LRSAM1: variants seen among roughly 807,000 people sequenced by gnomAD.
LRSAM1 encodes the protein leucine rich repeat and sterile alpha motif containing 1.
LRSAM1 carries 96 observed loss-of-function variants against 118.1 expected under a neutral mutation model. The ratio of observed to expected loss-of-function variants is 0.81; its 90% CI spans 0.69 to 0.96. LRSAM1 has a LOEUF of 0.96. Ranked by LOEUF, LRSAM1 falls within the 40% of genes least tolerant of loss-of-function variation. LRSAM1 has a pLI of 0.00. For missense variants in LRSAM1, 804 were observed against 915.5 expected (o/e 0.88, Z 1.57); for synonymous variants, 322 against 364.2 (o/e 0.88, Z 1.32).
chr9:127,472,188 C>G (rs1028235374), intron 10 of LRSAM1, among the ~76,000 whole-genome samples: 7 of 151,130 alleles, frequency 4.6e-5, no homozygotes, highest in African/African-American at 1.7e-4. Context: ...TCTCGAACTC[C>G]TGACCTCGTG....
rs956600563 is a variant in LRSAM1 at position 127,481,164 on chromosome 9, T to G, written c.1044-19T>G. 1 of 1,613,810 alleles carries G rather than the reference T, an allele frequency of 6.2e-7. No individual in the cohort carries two copies. Among genetic ancestry groups the G allele is most frequent in the African/African-American group, 1.3e-5 (1 of 74,896 alleles). On this transcript the variant is annotated intron_variant, in intron 14 of 25. Coordinates refer to ENST00000300417, the MANE Select transcript of LRSAM1 (RefSeq NM_001005373.4). ...GGCCTGCTGGTGACTGCCAGGACCT[T>G]TTATGATTTTCTCCACAGACAAAAG...
chr9:127,471,472 TAAAAAAAAA>T (rs71380064), intron 10 of LRSAM1, among the ~76,000 whole-genome samples: 2 of 68,044 alleles, frequency 2.9e-5, no homozygotes, highest in Admixed American at 2.1e-4. Context: ...CCTTATGTTA[TAAAAAAAAA>T]AAAAAAAAAA....
At chr9:127,497,720 G>A (rs1313118909) in intron 24 of LRSAM1, among the ~76,000 whole-genome samples, 2 of 152,192 alleles carry the variant, frequency 1.3e-5, no homozygotes, top group Non-Finnish European at 2.9e-5. Flanking sequence ...GCATGCCTGT[G>A]GACATGGAGA....
chr9:127,492,793 T>C lies in LRSAM1; in HGVS notation c.1504-9T>C. 1 of 1,613,226 alleles carries C rather than the reference T, an allele frequency of 6.2e-7. No individual in the cohort carries two copies. Among genetic ancestry groups the C allele is most frequent in the Non-Finnish European group, 8.5e-7 (1 of 1,179,808 alleles). On this transcript the variant is annotated splice_polypyrimidine_tract_variant and intron_variant, in intron 20 of 25. Coordinates refer to ENST00000300417, the MANE Select transcript of LRSAM1 (RefSeq NM_001005373.4). Reference sequence around the variant, plus strand: ...CTCACGGTGGTGCGGGGTGTGGTCTTGTTCGCAGGAGATGATCTCGGAGCA... The same window carrying C: ...CTCACGGTGGTGCGGGGTGTGGTCTCGTTCGCAGGAGATGATCTCGGAGCA...
chr9:127,456,807 A>C (rs1588093020), intron 5 of LRSAM1, among the ~76,000 whole-genome samples: 1 of 151,628 alleles, frequency 6.6e-6, no homozygotes, highest in East Asian at 2.0e-4. Context: ...CGGAGGTTGC[A>C]GTGAGCTGAG....
At chr9:127,458,462 C>A (rs758772061) in intron 6 of LRSAM1, among the ~76,000 whole-genome samples, 1 of 151,616 alleles carries the variant, frequency 6.6e-6, no homozygotes, top group Non-Finnish European at 1.5e-5. Flanking sequence ...TGCTTGTAAT[C>A]CCAGCTACTT....
At chr9:127,451,788 T>C in intron 1 of LRSAM1, 119 bp downstream of exon 1, 1 of 169,590 alleles carries the variant, frequency 5.9e-6, no homozygotes, top group South Asian at 1.5e-4. Context: ...CGAGCACTTG[T>C]TGTGTGCACT....
intron 9 of LRSAM1, among the ~76,000 whole-genome samples, chr9:127,462,734 A>G (rs1299414783): frequency 6.6e-6 from 1 of 152,110 alleles, no homozygotes; most frequent in Non-Finnish European, 1.5e-5. Flanking sequence ...CTGGGCTTCA[A>G]ACCTGGGTGA....
In LRSAM1 at chr9:127,454,626, T is replaced by C. The variant is rs375949142; in HGVS notation, c.72+27T>C. ...TGAGGGAAAGTGGGTTTCCTCTAAC[T>C]CTATCCCATCTCCTCCTCGGTCCCC... is the stretch of plus-strand genomic sequence containing the variant. On this transcript the variant is annotated intron_variant, in intron 3 of 25. Coordinates refer to ENST00000300417, the MANE Select transcript of LRSAM1 (RefSeq NM_001005373.4). 4 of 1,609,144 alleles carry C rather than the reference T, an allele frequency of 2.5e-6. No homozygotes were observed. In the Admixed American group the frequency reaches 6.7e-5, roughly 27 times the overall value.
At chr9:127,481,805 C>G (rs1409082647) in intron 15 of LRSAM1, among the ~76,000 whole-genome samples, 1 of 151,934 alleles carries the variant, frequency 6.6e-6, no homozygotes, top group African/African-American at 2.4e-5. Flanking sequence ...TCTGTAATCC[C>G]AGCACTTTGG....
In LRSAM1 at chr9:127,489,459, G is replaced by A. The variant is rs1835849581; in HGVS notation, c.1363G>A (p.Ala455Thr). 1.9e-6 allele frequency: 3 copies of A among 1,608,862 alleles called. No individual in the cohort carries two copies. In the Admixed American group the frequency reaches 5.1e-5, roughly 27 times the overall value. The change falls in exon 19 of 26, where the codon GCT becomes ACT. Residue 455 changes from alanine (A) to threonine (T), a missense_variant. By Grantham distance (58) the Ala-to-Thr change is moderately conservative. Transcript: ENST00000300417. ...QILQESAMQK[A>T]AFEALQVKKD... The stretch of plus-strand genomic sequence containing the variant: ...TGTGTTGCAGAGCGCGATGCAGAAG[G>A]CTGCGTTCGAGGCACTCCAGGTGAA...
chr9:127,503,308 G>A lies in LRSAM1; in HGVS notation c.*409G>A, dbSNP rs556491097. The A allele has an allele frequency of 1.3e-4, 35 of 275,800 alleles. No individual in the cohort carries two copies. The highest frequency in any genetic ancestry group is 7.5e-4 in the African/African-American group (34 of 45,044). The allele number at this position is 275,800 out of a possible 1,614,324, so 17.1% of individuals were successfully genotyped here. ...TGTGGGAAGGGAGCAGGAGGGCCTG[G>A]CTGGGTGAGGGGAGGCCTTCCTGGG... On this transcript the variant is annotated 3_prime_UTR_variant, in exon 26 of 26. Coordinates refer to ENST00000300417, the MANE Select transcript of LRSAM1 (RefSeq NM_001005373.4).
chr9:127,489,618 C>A, intron 19 of LRSAM1, 100 bp downstream of exon 19: 3 of 1,309,418 alleles, frequency 2.3e-6, no homozygotes, highest in Non-Finnish European at 3.2e-6. Context: ...TGAACCCCAG[C>A]TCCTTGGCTT....
chr9:127,472,997 G>C (rs1835229569), intron 10 of LRSAM1, among the ~76,000 whole-genome samples: 2 of 152,092 alleles, frequency 1.3e-5, no homozygotes, highest in African/African-American at 4.8e-5. Context: ...ATGAGGAGTG[G>C]CTGGGAGGAC....
chr9:127,451,786 T>C, intron 1 of LRSAM1, 117 bp downstream of exon 1: 1 of 171,526 alleles, frequency 5.8e-6, no homozygotes, highest in Non-Finnish European at 1.3e-5. Flanking sequence ...CTCGAGCACT[T>C]GTTGTGTGCA....
At chr9:127,487,899 C>A (rs1835790385) in intron 18 of LRSAM1, 136 bp downstream of exon 18, 15 of 627,814 alleles carry the variant, frequency 2.4e-5, no homozygotes, top group South Asian at 1.1e-4. Context: ...TAGAGGTGTA[C>A]AAGTGATCAG....
chr9:127,481,926 G>A (rs1277259611), intron 15 of LRSAM1, among the ~76,000 whole-genome samples: 2 of 151,380 alleles, frequency 1.3e-5, no homozygotes, highest in African/African-American at 4.9e-5. Flanking sequence ...GTGGTGGCAG[G>A]CGCCTATGGT....
intron 16 of LRSAM1, among the ~76,000 whole-genome samples, chr9:127,483,778 C>T (rs950471362): frequency 6.6e-6 from 1 of 152,142 alleles, no homozygotes; most frequent in African/African-American, 2.4e-5. Flanking sequence ...ATTCTCCTGC[C>T]TCAGCCTCCG....
At chr9:127,501,737 A>C (rs1047955119) in intron 25 of LRSAM1, among the ~76,000 whole-genome samples, 11 of 152,224 alleles carry the variant, frequency 7.2e-5, no homozygotes, top group Non-Finnish European at 1.5e-4. Flanking sequence ...ATCTCAAAAA[A>C]AAGAAAAAAT....
Sources: allele counts gnomAD v4.1 joint callset (sites outside exome capture counted in the v4.1 genomes callset), GRCh38; gene constraint gnomAD v4.1.1; transcripts MANE v1.5; gene names NCBI Gene and HGNC (gene_info 2026-07-23, HGNC 2026-07-21).